Variants in CYLD observed in about 807,000 individuals in gnomAD.
CYLD encodes the protein CYLD lysine 63 deubiquitinase.
A neutral mutation model predicts 104.5 loss-of-function variants in CYLD; 26 were observed. That is an observed-to-expected ratio of 0.25 (90% CI 0.18 to 0.35). The LOEUF (loss-of-function observed/expected upper bound fraction) is 0.35, where lower values mean the gene tolerates loss of function less well. Ranked by LOEUF, CYLD falls within the 10% of genes least tolerant of loss-of-function variation. The pLI, the probability that CYLD is intolerant of heterozygous loss-of-function variation, is 1.00. For synonymous variants in CYLD, 385 were observed against 399.9 expected (o/e 0.96, Z 0.45); for missense variants, 703 against 1,136.1 (o/e 0.62, Z 5.48).
chr16:50,788,615 A>T lies in CYLD; in HGVS notation c.2108+763A>T, dbSNP rs556007348. Among the ~76,000 whole-genome samples, 44 of 152,298 alleles carry T rather than the reference A, an allele frequency of 2.9e-4. No homozygotes were observed. The East Asian group carries it at 6.6e-3, about 23-fold the overall frequency. Reference sequence around the variant, plus strand: ...GTTTGATATTGTTTGGGAAGTTCTTATGAATGAAATGAGACTGATACATAA... The same window carrying T: ...GTTTGATATTGTTTGGGAAGTTCTTTTGAATGAAATGAGACTGATACATAA... On this transcript the variant is annotated intron_variant, in intron 14 of 18. Coordinates refer to ENST00000427738, the MANE Select transcript of CYLD (RefSeq NM_001378743.1).
chr16:50,792,573 TA>T, intron 15 of CYLD, 23 bp from the exon 16 acceptor site: 1 of 1,532,160 alleles, frequency 6.5e-7, no homozygotes, highest in Non-Finnish European at 9.0e-7. Flanking sequence ...ACTTTGATTC[TA>T]AAAATATCTG....
At chr16:50,783,555 T>C (rs181002041) in intron 11 of CYLD, among the ~76,000 whole-genome samples, 1 of 152,298 alleles carries the variant, frequency 6.6e-6, no homozygotes, top group East Asian at 1.9e-4. Flanking sequence ...GTTTATTTTT[T>C]TGAGAAGGAG....
At chr16:50,748,626 A>G (rs1179676943) in intron 2 of CYLD, among the ~76,000 whole-genome samples, 1 of 152,188 alleles carries the variant, frequency 6.6e-6, no homozygotes. Flanking sequence ...CAGTTATATC[A>G]TGATATTCCC....
chr16:50,744,620 A>G (rs980511721), intron 2 of CYLD: 2 of 152,390 alleles, frequency 1.3e-5, no homozygotes, highest in African/African-American at 4.8e-5. Flanking sequence ...TATGAACAAT[A>G]TAACCTGATA....
Position 50,794,174 on chromosome 16 carries a change from C to G in CYLD, c.2470-38C>G. 3 of 1,572,808 alleles carry G rather than the reference C, an allele frequency of 1.9e-6. No homozygotes were observed. The highest frequency in any genetic ancestry group is 2.6e-6 in the Non-Finnish European group (3 of 1,143,418). ...AACTCCTGACCTCGTGATCCACCAG[C>G]CTCGGCCTAATGACATTCTTTTCAT... On this transcript the variant is annotated intron_variant, in intron 17 of 18. Transcript: ENST00000427738. This position sits in a 1 kb window ranked among gnomAD's most constrained non-coding sequence, Gnocchi z 4.1.
At position 50,751,653 on chromosome 16, in the gene CYLD, A is replaced by T. The variant is rs777360812; in HGVS notation, c.554A>T (p.Gln185Leu). ...GFTDGVYQGK[Q>L]LFQCDEDCGV... ...ACTGACGGGGTGTACCAAGGGAAACAGCTTTTTCAGTGTGATGAAGATTGT... is the reference window on the plus strand; with the variant it reads ...ACTGACGGGGTGTACCAAGGGAAACTGCTTTTTCAGTGTGATGAAGATTGT... Residue 185 changes from glutamine (Q) to leucine (L), a missense_variant, in exon 4 of 19, where the codon CAG becomes CTG. Around this residue, in one of 5 missense-constraint regions of CYLD, gnomAD observed 123 missense variants for 213.3 expected, o/e 0.58. Coordinates refer to ENST00000427738, the MANE Select transcript of CYLD (RefSeq NM_001378743.1). 2 of 1,613,840 alleles carry T rather than the reference A, an allele frequency of 1.2e-6. No individual in the cohort carries two copies. Among genetic ancestry groups the T allele is most frequent in the Admixed American group, 1.7e-5 (1 of 59,992 alleles).
chr16:50,791,495 A>C (rs2151029254), intron 14 of CYLD, 63 bp from the exon 15 acceptor site: 8 of 1,580,792 alleles, frequency 5.1e-6, no homozygotes, highest in Non-Finnish European at 6.9e-6. Context: ...GGGACAACTT[A>C]ACATTTTGAT....
At chr16:50,776,455 C>G (rs919182025) in intron 7 of CYLD, among the ~76,000 whole-genome samples, 178 bp downstream of exon 7, 3 of 152,056 alleles carry the variant, frequency 2.0e-5, no homozygotes, top group African/African-American at 7.2e-5. Flanking sequence ...CCAAGTGTTC[C>G]CAGCCTTTTT....
chr16:50,781,305 T>C lies in CYLD; in HGVS notation c.1578T>C (p.Cys526=). The C allele has an allele frequency of 6.2e-7, 1 of 1,613,996 alleles. No homozygotes were observed. Among genetic ancestry groups the C allele is most frequent in the South Asian group, 1.1e-5 (1 of 91,072 alleles). Residue 526 remains cysteine (C), a synonymous_variant, in exon 10 of 19, where the codon TGT becomes TGC. Transcript: ENST00000427738. ...GTFRGTRYFT[C]ALKKALFVKL... Reference sequence around the variant, plus strand: ...TCAGAGGCACTCGGTATTTCACCTGTGCCCTGAAGAAGGCGCTGTTTGTGA... The same window carrying C: ...TCAGAGGCACTCGGTATTTCACCTGCGCCCTGAAGAAGGCGCTGTTTGTGA...
chr16:50,746,098 C>T (rs1456781841), intron 2 of CYLD, among the ~76,000 whole-genome samples: 3 of 152,176 alleles, frequency 2.0e-5, no homozygotes, highest in South Asian at 2.1e-4. Flanking sequence ...AGTGCGGTGG[C>T]GTGATCATGG....
intron 5 of CYLD, among the ~76,000 whole-genome samples, chr16:50,756,296 G>A (rs1967233980): frequency 6.6e-6 from 1 of 152,184 alleles, no homozygotes; most frequent in Non-Finnish European, 1.5e-5. Flanking sequence ...ACTGCTACCT[G>A]AGTGAGAGCT....
intron 2 of CYLD, among the ~76,000 whole-genome samples, chr16:50,745,927 T>C (rs764321604): frequency 1.3e-5 from 2 of 152,206 alleles, no homozygotes; most frequent in Non-Finnish European, 2.9e-5. Flanking sequence ...AAGTAGACTG[T>C]TGGTGTTATA....
intron 11 of CYLD, among the ~76,000 whole-genome samples, chr16:50,783,654 T>C (rs911987329): frequency 6.6e-6 from 1 of 152,142 alleles, no homozygotes; most frequent in Admixed American, 6.5e-5. Context: ...TTCTCCTATC[T>C]CAGCCTCCCA....
At chr16:50,743,035 T>C (rs1965859086) in intron 2 of CYLD, among the ~76,000 whole-genome samples, 194 bp downstream of exon 2, 1 of 152,048 alleles carries the variant, frequency 6.6e-6, no homozygotes, top group Non-Finnish European at 1.5e-5. Flanking sequence ...TTTAGGATAG[T>C]TGTCATCTTC....
In CYLD at chr16:50,795,178, T is replaced by TTAACTCAGTCTTCTG. The variant is rs1472507188; in HGVS notation, c.2686+762_2686+763insCTGTAACTCAGTCTT. Among the ~76,000 whole-genome samples the TTAACTCAGTCTTCTG allele has an allele frequency of 2.6e-5, 4 of 152,232 alleles. No individual in the cohort carries two copies. In the East Asian group the frequency reaches 7.7e-4, roughly 29 times the overall value. On this transcript the variant is annotated intron_variant, in intron 18 of 18. Transcript: ENST00000427738. The stretch of plus-strand genomic sequence containing the variant: ...GGGCTTGAGGTATTGTAGTTTGTGT[T>TTAACTCAGTCTTCTG]TAACTCAGTCTTTCTGATCTCAGTG...
intron 2 of CYLD, 43 bp downstream of exon 2, chr16:50,742,884 G>C (rs1965831831): frequency 2.3e-5 from 9 of 397,620 alleles, no homozygotes; most frequent in Non-Finnish European, 4.0e-5. Flanking sequence ...ACAATCGAGG[G>C]GGGTGGGGGG....
At chr16:50,749,252 G>T (rs1414039409) in intron 2 of CYLD, among the ~76,000 whole-genome samples, 1 of 152,096 alleles carries the variant, frequency 6.6e-6, no homozygotes, top group Non-Finnish European at 1.5e-5. Flanking sequence ...ATGTATATAA[G>T]GGTAATCTTT....
chr16:50,751,305 T>C (rs1430123948), intron 3 of CYLD, among the ~76,000 whole-genome samples: 2 of 152,242 alleles, frequency 1.3e-5, no homozygotes, highest in African/African-American at 4.8e-5. Flanking sequence ...TATTTTAAAG[T>C]AACATTTTCT....
chr16:50,788,685 A>G (rs757851681), intron 14 of CYLD, among the ~76,000 whole-genome samples: 1 of 152,238 alleles, frequency 6.6e-6, no homozygotes, highest in African/African-American at 2.4e-5. Flanking sequence ...TAATAGCCAT[A>G]TGTACACCTA....
Sources: gnomAD v4.1 joint callset for allele counts (sites outside exome capture counted in the v4.1 genomes callset) on GRCh38, gnomAD v4.1.1 for gene constraint, gnomAD v4.1.1 regional missense constraint, Gnocchi (gnomAD v3.1) non-coding constraint, MANE v1.5 for transcripts, NCBI Gene and HGNC (gene_info 2026-07-23, HGNC 2026-07-21) for gene names.